Variants in KDM1A observed in about 807,000 individuals in gnomAD.
KDM1A encodes the protein lysine-specific histone demethylase 1A.
In KDM1A, 49 loss-of-function variants were observed where a neutral mutation model predicts 109.4. The ratio of observed to expected loss-of-function variants is 0.45; its 90% CI spans 0.36 to 0.57. The LOEUF is 0.57. Among genes scored for constraint, KDM1A ranks in the 20% least tolerant of loss-of-function variants. The pLI is 0.00. For missense variants in KDM1A, 668 were observed against 1,116.6 expected (o/e 0.60, Z 5.73); for synonymous variants, 380 against 415.4 (o/e 0.91, Z 1.04).
intron 9 of KDM1A, among the ~76,000 whole-genome samples, chr1:23,061,235 CTG>C (rs933164779): frequency 3.9e-5 from 6 of 152,172 alleles, no homozygotes; most frequent in African/African-American, 1.4e-4. Flanking sequence ...ACTAACCACA[CTG>C]TTAATTCAGA....
intron 4 of KDM1A, among the ~76,000 whole-genome samples, chr1:23,051,850 G>A (rs916124748): frequency 5.3e-5 from 8 of 152,126 alleles, no homozygotes; most frequent in Admixed American, 1.3e-4. Context: ...GCTTAATTTC[G>A]ATTGTTAAAG....
chr1:23,079,164 G>T lies in KDM1A; in HGVS notation c.2042G>T (p.Gly681Val). 6.2e-7 allele frequency: 1 copy of T among 1,614,090 alleles called. No individual in the cohort carries two copies. Among genetic ancestry groups the T allele is most frequent in the Non-Finnish European group, 8.5e-7 (1 of 1,179,970 alleles). The change falls in exon 17 of 21, where the codon GGC becomes GTC. Residue 681 changes from glycine (G) to valine (V), a missense_variant. Gly to Val is a moderately radical substitution (Grantham distance 109). Coordinates refer to ENST00000400181, the MANE Select transcript of KDM1A (RefSeq NM_001009999.3). This position sits in a 1 kb window ranked among gnomAD's most constrained non-coding sequence, Gnocchi z 5.6. ...TCTGCAGTCCAAAGGATGGGATTTGGCAACCTTAACAAGGTAGCTTGCCCT... is the reference window on the plus strand; with the variant it reads ...TCTGCAGTCCAAAGGATGGGATTTGTCAACCTTAACAAGGTAGCTTGCCCT... ...KTSAVQRMGFGNLNKVVLCFD... is the reference protein window; with the variant it reads ...KTSAVQRMGFVNLNKVVLCFD...
chr1:23,027,413 CTTTTTTT>C (rs34416518), intron 1 of KDM1A, among the ~76,000 whole-genome samples: 3 of 115,306 alleles, frequency 2.6e-5, no homozygotes. Context: ...GTTTTGTTTG[CTTTTTTT>C]TTTTTTTTTT....
At chr1:23,037,667 C>T (rs1428544317) in intron 2 of KDM1A, among the ~76,000 whole-genome samples, 1 of 152,112 alleles carries the variant, frequency 6.6e-6, no homozygotes, top group African/African-American at 2.4e-5. Flanking sequence ...TAATGTTTCT[C>T]CCTAAAATTG....
intron 9 of KDM1A, among the ~76,000 whole-genome samples, chr1:23,063,074 G>T (rs1310457689): frequency 6.6e-6 from 1 of 151,994 alleles, no homozygotes; most frequent in Non-Finnish European, 1.5e-5. Flanking sequence ...AGAGGAAATG[G>T]CTCTGAATAT....
Position 23,082,210 on chromosome 1 carries a change from T to C in KDM1A, c.2299-10T>C. 1.2e-6 allele frequency: 2 copies of C among 1,612,482 alleles called. No homozygotes were observed. The highest frequency in any genetic ancestry group is 1.7e-6 in the Non-Finnish European group (2 of 1,179,408). On this transcript the variant is annotated splice_polypyrimidine_tract_variant and intron_variant, in intron 19 of 20. Transcript: ENST00000400181. ...CTCGTAATGACTTTTGCTCCTGGTT[T>C]TTCTTTTAGCCCAAAGAAACTGTGG...
At chr1:23,049,923 T>C (rs1262489717) in intron 3 of KDM1A, among the ~76,000 whole-genome samples, 1 of 152,188 alleles carries the variant, frequency 6.6e-6, no homozygotes, top group East Asian at 1.9e-4. Context: ...ATACTGTTGA[T>C]GGGATTGTGA....
At chr1:23,029,359 A>C (rs545094343) in intron 1 of KDM1A, among the ~76,000 whole-genome samples, 1 of 152,182 alleles carries the variant, frequency 6.6e-6, no homozygotes, top group African/African-American at 2.4e-5. Flanking sequence ...AATTGATTCC[A>C]TAATAATTAG....
At chr1:23,041,375 C>T (rs1033537347) in intron 2 of KDM1A, among the ~76,000 whole-genome samples, 1 of 149,022 alleles carries the variant, frequency 6.7e-6, no homozygotes, top group African/African-American at 2.5e-5. Flanking sequence ...TATGTGGTAC[C>T]TTCTGCTTGG....
chr1:23,063,197 G>GGGA (rs374128181), intron 9 of KDM1A, among the ~76,000 whole-genome samples: 6 of 11,406 alleles, frequency 5.3e-4, no homozygotes, highest in Non-Finnish European at 1.1e-3. Flanking sequence ...CTGTAGCATT[G>GGGA]GGGGGGGGGT....
At chr1:23,027,444 C>T (rs1256164419) in intron 1 of KDM1A, among the ~76,000 whole-genome samples, 12 of 126,898 alleles carry the variant, frequency 9.5e-5, no homozygotes, top group Admixed American at 5.4e-4. Flanking sequence ...GACAGGGTCT[C>T]GACTCTGTCA....
intron 2 of KDM1A, among the ~76,000 whole-genome samples, chr1:23,031,933 C>CAAAT (rs1225866113): frequency 2.0e-5 from 3 of 152,274 alleles, no homozygotes; most frequent in Admixed American, 2.0e-4. Context: ...ATGTCCCAGG[C>CAAAT]AAATGTAGCT....
intron 6 of KDM1A, chr1:23,055,459 G>A (rs992603003): frequency 5.2e-6 from 1 of 190,612 alleles, no homozygotes; most frequent in East Asian, 1.3e-4. Flanking sequence ...AAAAATGAGA[G>A]GAGTTCATTC....
chr1:23,078,544 G>A (rs1643532168), intron 16 of KDM1A, among the ~76,000 whole-genome samples: 1 of 152,204 alleles, frequency 6.6e-6, no homozygotes, highest in African/African-American at 2.4e-5. Flanking sequence ...GTTTTAGGCT[G>A]CATCCCCCAG....
intron 3 of KDM1A, among the ~76,000 whole-genome samples, chr1:23,048,583 G>A (rs919548469): frequency 6.6e-6 from 1 of 151,958 alleles, no homozygotes; most frequent in African/African-American, 2.4e-5. Flanking sequence ...TTTTTCTCCT[G>A]GTCTCTAAGA....
chr1:23,071,613 T>C (rs927158842), intron 13 of KDM1A, among the ~76,000 whole-genome samples: 23 of 152,218 alleles, frequency 1.5e-4, no homozygotes, highest in Admixed American at 6.5e-5. Flanking sequence ...CCTAACAGTT[T>C]AGAGTAAGAG....
At chr1:23,062,186 T>C (rs1643019156) in intron 9 of KDM1A, among the ~76,000 whole-genome samples, 1 of 152,186 alleles carries the variant, frequency 6.6e-6, no homozygotes, top group African/African-American at 2.4e-5. Context: ...CTTGTTCAGA[T>C]TCCCATACTT....
intron 8 of KDM1A, 141 bp from the exon 9 acceptor site, chr1:23,058,932 G>A (rs1642918676): frequency 2.1e-6 from 1 of 479,814 alleles, no homozygotes; most frequent in Non-Finnish European, 3.6e-6. Flanking sequence ...TTTTTACTTA[G>A]AGTGCTTTTT....
At chr1:23,078,424 A>C (rs1365570277) in intron 16 of KDM1A, among the ~76,000 whole-genome samples, 1 of 152,222 alleles carries the variant, frequency 6.6e-6, no homozygotes, top group Non-Finnish European at 1.5e-5. Context: ...ACAAACGAGG[A>C]AAACGATGTT....
Sources: allele counts gnomAD v4.1 joint callset (sites outside exome capture counted in the v4.1 genomes callset), GRCh38; gene constraint gnomAD v4.1.1; non-coding constraint Gnocchi (gnomAD v3.1); transcripts MANE v1.5; gene names NCBI Gene and HGNC (gene_info 2026-07-23, HGNC 2026-07-21).